Variants in SPAG16 observed in about 807,000 individuals in gnomAD.
The protein encoded by SPAG16 is sperm-associated antigen 16 protein.
SPAG16 carries 86 observed loss-of-function variants against 80.4 expected under a neutral mutation model. That is an observed-to-expected ratio of 1.07 (90% CI 0.90 to 1.28). The LOEUF (loss-of-function observed/expected upper bound fraction) is 1.28, where lower values mean the gene tolerates loss of function less well. SPAG16 is among the 50% of genes most tolerant of loss of function. SPAG16 has a pLI of 0.00. For missense variants in SPAG16, 870 were observed against 765.3 expected (o/e 1.14, Z -1.61); for synonymous variants, 294 against 265.9 (o/e 1.11, Z -1.03).
chr2:213,724,636 G>C (rs146189821), intron 10 of SPAG16, among the ~76,000 whole-genome samples: 2,740 of 151,886 alleles, frequency 0.018, 46 homozygotes, highest in Non-Finnish European at 0.029. Flanking sequence ...AAATTAGCCG[G>C]GTGTGGTGGC....
chr2:213,443,509 T>G (rs544107359), intron 9 of SPAG16, among the ~76,000 whole-genome samples: 2 of 152,334 alleles, frequency 1.3e-5, no homozygotes, highest in African/African-American at 4.8e-5. Context: ...TGAATAATAT[T>G]CCATTGTATA....
intron 10 of SPAG16, among the ~76,000 whole-genome samples, chr2:213,825,055 C>T (rs1042752963): frequency 3.3e-5 from 5 of 151,766 alleles, no homozygotes; most frequent in Non-Finnish European, 5.9e-5. Flanking sequence ...TGTAGAAATG[C>T]TACAGATTTT....
intron 13 of SPAG16, among the ~76,000 whole-genome samples, chr2:214,076,889 A>G (rs915403305): frequency 4.6e-5 from 7 of 152,154 alleles, no homozygotes; most frequent in African/African-American, 1.7e-4. Context: ...ACCCTGATCA[A>G]TAGCAAGTTG....
intron 10 of SPAG16, among the ~76,000 whole-genome samples, chr2:213,501,104 G>C (rs542005145): frequency 6.6e-6 from 1 of 152,238 alleles, no homozygotes; most frequent in Non-Finnish European, 1.5e-5. Context: ...GGCATGTTGA[G>C]TGTGGAATGG....
chr2:214,304,091 TA>T (rs1190128311), intron 15 of SPAG16, among the ~76,000 whole-genome samples: 1 of 152,216 alleles, frequency 6.6e-6, no homozygotes, highest in Non-Finnish European at 1.5e-5. Context: ...CTCCCACTTA[TA>T]AGTGAGAACA....
chr2:214,409,716 AAAG>A (rs1288046867), intron 15 of SPAG16, among the ~76,000 whole-genome samples: 2 of 152,196 alleles, frequency 1.3e-5, no homozygotes, highest in Non-Finnish European at 2.9e-5. Context: ...AAATAAGTTT[AAAG>A]AAGAATACAA....
intron 10 of SPAG16, among the ~76,000 whole-genome samples, chr2:213,836,988 C>T (rs770526494): frequency 2.0e-5 from 3 of 152,130 alleles, no homozygotes; most frequent in Non-Finnish European, 4.4e-5. Flanking sequence ...ACAAAACAAA[C>T]ATGCATTGTT....
chr2:214,341,087 AT>A (rs1697656745), intron 15 of SPAG16, among the ~76,000 whole-genome samples: 1 of 152,188 alleles, frequency 6.6e-6, no homozygotes, highest in Non-Finnish European at 1.5e-5. Flanking sequence ...CCCCCAAAAA[AT>A]TTTTTTGCAT....
chr2:214,043,498 T>C (rs897111473), intron 13 of SPAG16, among the ~76,000 whole-genome samples: 3 of 152,182 alleles, frequency 2.0e-5, no homozygotes, highest in East Asian at 1.9e-4. Context: ...CTTTCTTTCA[T>C]TGATTTGCTG....
chr2:213,689,121 G>A (rs2064823855), intron 10 of SPAG16, among the ~76,000 whole-genome samples: 1 of 152,034 alleles, frequency 6.6e-6, no homozygotes, highest in Non-Finnish European at 1.5e-5. Flanking sequence ...CACGGTGCCT[G>A]GTTAGTGTTT....
chr2:213,681,096 G>T (rs2064355068), intron 10 of SPAG16, among the ~76,000 whole-genome samples: 1 of 152,132 alleles, frequency 6.6e-6, no homozygotes, highest in Non-Finnish European at 1.5e-5. Context: ...AGGGTACCTG[G>T]CTCTTATTTG....
chr2:213,860,393 A>G (rs544155464), intron 10 of SPAG16, among the ~76,000 whole-genome samples: 180 of 64,800 alleles, frequency 2.8e-3, no homozygotes, highest in African/African-American at 6.7e-3. Flanking sequence ...ATAAATAGAC[A>G]GATATTTATA....
chr2:213,370,079 A>G (rs945086211), intron 8 of SPAG16, among the ~76,000 whole-genome samples: 1 of 152,150 alleles, frequency 6.6e-6, no homozygotes. Flanking sequence ...TACTTTTCTA[A>G]TATTTTATGT....
intron 6 of SPAG16, among the ~76,000 whole-genome samples, chr2:213,341,922 A>G (rs1405304875): frequency 6.6e-6 from 1 of 152,142 alleles, no homozygotes; most frequent in Non-Finnish European, 1.5e-5. Context: ...AGAACTTGCA[A>G]ACAGATGAAT....
chr2:213,448,329 C>A (rs1446707861), intron 9 of SPAG16, among the ~76,000 whole-genome samples: 1 of 152,202 alleles, frequency 6.6e-6, no homozygotes, highest in Non-Finnish European at 1.5e-5. Flanking sequence ...TTGGAGATAA[C>A]TAAATTAAAG....
intron 15 of SPAG16, among the ~76,000 whole-genome samples, chr2:214,272,939 C>T (rs982942819): frequency 6.6e-6 from 1 of 152,140 alleles, no homozygotes; most frequent in African/African-American, 2.4e-5. Context: ...TTCTCCACAT[C>T]CTCTCCAGCA....
rs148910679 is a variant in SPAG16 at position 213,656,075 on chromosome 2, T to C, written c.1070+165985T>C. On this transcript the variant is annotated intron_variant, in intron 10 of 15. Transcript: ENST00000331683. ...CATTCAAGATAAAATGTCTTAGATA[T>C]TATAAATTTTCTTCTCTGCCCGAAT... Among the ~76,000 whole-genome samples, 13 of 152,370 alleles carry C rather than the reference T, an allele frequency of 8.5e-5. No individual in the cohort carries two copies. In the East Asian group the frequency reaches 2.5e-3, roughly 29 times the overall value.
intron 11 of SPAG16, among the ~76,000 whole-genome samples, chr2:213,907,060 A>G (rs1274567590): frequency 6.6e-6 from 1 of 152,222 alleles, no homozygotes; most frequent in Non-Finnish European, 1.5e-5. Context: ...AACAATCAAC[A>G]GAATGAAGAG....
chr2:214,160,064 T>A (rs1328396339), intron 15 of SPAG16, among the ~76,000 whole-genome samples: 1 of 151,964 alleles, frequency 6.6e-6, no homozygotes, highest in Non-Finnish European at 1.5e-5. Flanking sequence ...ACAATAGACA[T>A]GAATTTGCAG....
Sources: gnomAD v4.1 joint callset for allele counts (sites outside exome capture counted in the v4.1 genomes callset) on GRCh38, gnomAD v4.1.1 for gene constraint, MANE v1.5 for transcripts, NCBI Gene and HGNC (gene_info 2026-07-23, HGNC 2026-07-21) for gene names.